Variants in PAX5 observed in about 807,000 individuals in gnomAD.
PAX5 encodes the protein paired box 5, also known as paired box protein Pax-5.
PAX5 carries 9 observed loss-of-function variants against 43.7 expected under a neutral mutation model. The observed-to-expected ratio is 0.21, with a 90% CI of 0.12 to 0.36. The LOEUF (loss-of-function observed/expected upper bound fraction) is 0.36. Ranked by LOEUF, PAX5 falls within the 10% of genes least tolerant of loss-of-function variation. PAX5 has a pLI of 1.00. For missense variants in PAX5, 383 were observed against 532.7 expected, an observed-to-expected ratio of 0.72 and a Z score of 2.77; for synonymous variants, 228 against 214.3, an observed-to-expected ratio of 1.06 and a Z score of -0.56.
At chr9:36,907,042 GT>G (rs764277247) in intron 7 of PAX5, among the ~76,000 whole-genome samples, 5 of 152,076 alleles carry the variant, frequency 3.3e-5, no homozygotes, top group Non-Finnish European at 5.9e-5. Context: ...CAGCCTCTCT[GT>G]GCTACAGTGA....
intron 7 of PAX5, among the ~76,000 whole-genome samples, chr9:36,885,865 A>T (rs1176084564): frequency 6.6e-6 from 1 of 152,218 alleles, no homozygotes; most frequent in East Asian, 1.9e-4. Context: ...TGGTTTTTAA[A>T]ACCAAATAAA....
intron 6 of PAX5, among the ~76,000 whole-genome samples, chr9:36,955,173 G>A (rs1175588114): frequency 4.6e-5 from 7 of 151,720 alleles, no homozygotes; most frequent in Admixed American, 1.3e-4. Context: ...CTTTCAAATT[G>A]TCTGCTATCT....
intron 6 of PAX5, among the ~76,000 whole-genome samples, chr9:36,946,010 A>G (rs533472838): frequency 7.9e-5 from 12 of 152,316 alleles, no homozygotes; most frequent in African/African-American, 2.9e-4. Flanking sequence ...ATGCACACAT[A>G]TACCTCCCCC....
At chr9:36,958,130 C>T (rs544698760) in intron 6 of PAX5, among the ~76,000 whole-genome samples, 1 of 152,294 alleles carries the variant, frequency 6.6e-6, no homozygotes, top group South Asian at 2.1e-4. Flanking sequence ...TAGCCCTGCC[C>T]CTGCAGAAAT....
At chr9:36,850,540 C>T (rs1354502136) in intron 8 of PAX5, among the ~76,000 whole-genome samples, 1 of 152,186 alleles carries the variant, frequency 6.6e-6, no homozygotes, top group East Asian at 1.9e-4. Flanking sequence ...TTCAGATGAC[C>T]GTGCCCAGCA....
rs59974743 is a variant in PAX5, at chr9:36,981,933, A to G, written c.605-15209T>C. 6.6e-3 allele frequency among the ~76,000 whole-genome samples: 1,007 copies of G among 152,394 alleles called. 9 individuals carry two copies. Among genetic ancestry groups the G allele is most frequent in the African/African-American group, 0.023 (945 of 41,600 alleles). ...ACCTCCTAAGAGTCAATAAGGACTG[A>G]GAGTGAGGACAAGAAAACAGAAGCC... On this transcript the variant is annotated intron_variant, in intron 5 of 9. Transcript: ENST00000358127.
intron 7 of PAX5, among the ~76,000 whole-genome samples, chr9:36,909,521 G>A (rs1398709463): frequency 6.6e-6 from 1 of 152,248 alleles, no homozygotes; most frequent in East Asian, 1.9e-4. Context: ...GAGCCTGTGG[G>A]CTGCCCTTCC....
chr9:36,855,197 C>T (rs991705058), intron 8 of PAX5, among the ~76,000 whole-genome samples: 4 of 152,254 alleles, frequency 2.6e-5, no homozygotes, highest in Non-Finnish European at 5.9e-5. Flanking sequence ...CAGGCAAGAG[C>T]TGGGGGCCTC....
Position 36,834,184 on chromosome 9 carries a change from G to A in PAX5, c.*6376C>T, listed in dbSNP as rs1460717037. ...CAACCTTGGAGGCCCAGCAGCTGGG[G>A]CTGAGAAGTGGGGCCCAGGCAACGC... On this transcript the variant is annotated 3_prime_UTR_variant, in exon 10 of 10. Coordinates refer to ENST00000358127, the MANE Select transcript of PAX5 (RefSeq NM_016734.3). 1 of 233,278 alleles carries A rather than the reference G, an allele frequency of 4.3e-6. No homozygotes were observed. Among genetic ancestry groups the A allele is most frequent in the East Asian group, 6.0e-5 (1 of 16,592 alleles). The allele number at this position is 233,278 out of a possible 1,614,324, so 14.5% of individuals were successfully genotyped here.
chr9:37,029,302 G>A (rs1042714413), intron 1 of PAX5, among the ~76,000 whole-genome samples: 1 of 152,114 alleles, frequency 6.6e-6, no homozygotes, highest in Non-Finnish European at 1.5e-5. Flanking sequence ...CACTGGGGTC[G>A]ACTCTTGGGC....
intron 8 of PAX5, among the ~76,000 whole-genome samples, chr9:36,859,101 C>T (rs866628301): frequency 7.2e-5 from 11 of 152,134 alleles, no homozygotes; most frequent in Middle Eastern, 3.2e-3. Flanking sequence ...CTCAGCAGCA[C>T]AGAGGCCCCG....
intron 5 of PAX5, among the ~76,000 whole-genome samples, chr9:37,000,555 T>C (rs988017735): frequency 9.9e-5 from 15 of 152,196 alleles, no homozygotes; most frequent in East Asian, 1.9e-4. Context: ...GAGTCCAGGA[T>C]GAGCCTGGGC....
intron 1 of PAX5, among the ~76,000 whole-genome samples, chr9:37,023,790 A>C (rs1840057158): frequency 6.6e-6 from 1 of 152,194 alleles, no homozygotes; most frequent in Non-Finnish European, 1.5e-5. Flanking sequence ...TCCTAGATGC[A>C]CCAGAAAGAA....
At chr9:37,003,678 T>TA (rs879322117) in intron 4 of PAX5, among the ~76,000 whole-genome samples, 19 of 151,148 alleles carry the variant, frequency 1.3e-4, no homozygotes, top group Admixed American at 1.1e-3. Flanking sequence ...CAAAAAACTT[T>TA]AAAAAAAAAT....
intron 6 of PAX5, among the ~76,000 whole-genome samples, chr9:36,936,991 C>A (rs2132039009): frequency 6.6e-6 from 1 of 152,300 alleles, no homozygotes; most frequent in Non-Finnish European, 1.5e-5. Flanking sequence ...CCCTCTGGGT[C>A]ACCAAGGATT....
At chr9:36,971,613 G>T (rs1834930589) in intron 5 of PAX5, among the ~76,000 whole-genome samples, 1 of 152,196 alleles carries the variant, frequency 6.6e-6, no homozygotes, top group East Asian at 1.9e-4. Flanking sequence ...AGGGGGCATG[G>T]TATCTTTAAA....
At chr9:36,863,849 G>A (rs887797214) in intron 8 of PAX5, among the ~76,000 whole-genome samples, 39 of 152,214 alleles carry the variant, frequency 2.6e-4, no homozygotes, top group Admixed American at 4.6e-4. Flanking sequence ...AGTGGCTCAC[G>A]CCTCCAATCC....
chr9:36,860,358 G>A (rs1234078877), intron 8 of PAX5, among the ~76,000 whole-genome samples: 1 of 151,900 alleles, frequency 6.6e-6, no homozygotes, highest in African/African-American at 2.4e-5. Context: ...AAATCATCTG[G>A]GAAGCTTTAA....
At chr9:37,028,864 C>G (rs1403921047) in intron 1 of PAX5, among the ~76,000 whole-genome samples, 1 of 152,250 alleles carries the variant, frequency 6.6e-6, no homozygotes, top group Non-Finnish European at 1.5e-5. Flanking sequence ...TAGCAGAACT[C>G]TCTTGCTACA....
Sources: gnomAD v4.1 joint callset for allele counts (sites outside exome capture counted in the v4.1 genomes callset) on GRCh38, gnomAD v4.1.1 for gene constraint, MANE v1.5 for transcripts, NCBI Gene and HGNC (gene_info 2026-07-23, HGNC 2026-07-21) for gene names.